The following TMEM132B variants were observed in gnomAD, a reference collection of about 807,000 sequenced individuals.
The protein encoded by TMEM132B is transmembrane protein 132B.
TMEM132B carries 18 observed loss-of-function variants against 90.8 expected under a neutral mutation model. That is an observed-to-expected ratio of 0.20 (90% CI 0.14 to 0.29). TMEM132B has a LOEUF of 0.29. Among genes scored for constraint, TMEM132B ranks in the 10% least tolerant of loss-of-function variants. The pLI, the probability that TMEM132B is intolerant of heterozygous loss-of-function variation, is 1.00. For synonymous variants in TMEM132B, 504 were observed against 523.3 expected, an observed-to-expected ratio of 0.96 and a Z score of 0.50; for missense variants, 1,096 against 1,326.8, an observed-to-expected ratio of 0.83 and a Z score of 2.70.
At chr12:125,263,120 G>A (rs1593060380) in intron 1 of TMEM132B, among the ~76,000 whole-genome samples, 4 of 152,146 alleles carry the variant, frequency 2.6e-5, no homozygotes, top group Admixed American at 1.3e-4. Flanking sequence ...CTATTATCCC[G>A]TGGTATTGGC....
chr12:125,574,603 A>G (rs1884888934), intron 4 of TMEM132B, among the ~76,000 whole-genome samples: 1 of 152,148 alleles, frequency 6.6e-6, no homozygotes, highest in South Asian at 2.1e-4. Flanking sequence ...AGAGGAAAGG[A>G]GAGACTGTCA....
At chr12:125,417,871 C>T (rs1880060551) in intron 3 of TMEM132B, among the ~76,000 whole-genome samples, 1 of 152,144 alleles carries the variant, frequency 6.6e-6, no homozygotes, top group Non-Finnish European at 1.5e-5. Flanking sequence ...GATTGTGCAC[C>T]CACCCTGAAC....
chr12:125,250,251 G>A (rs1454979157), intron 1 of TMEM132B, among the ~76,000 whole-genome samples: 3 of 152,236 alleles, frequency 2.0e-5, no homozygotes. Flanking sequence ...TCCCTGGTGA[G>A]CTCCTCGTGG....
At chr12:125,551,178 T>C (rs547811477) in intron 4 of TMEM132B, among the ~76,000 whole-genome samples, 4 of 152,372 alleles carry the variant, frequency 2.6e-5, no homozygotes, top group South Asian at 4.1e-4. Context: ...TCTGGTTTAA[T>C]TCATCATTAA....
chr12:125,397,433 T>C (rs1040764446), intron 2 of TMEM132B, among the ~76,000 whole-genome samples: 1 of 152,196 alleles, frequency 6.6e-6, no homozygotes, highest in African/African-American at 2.4e-5. Context: ...TCCAAATCCT[T>C]TTCATTTCAA....
At chr12:125,305,651 G>A (rs779410351) in intron 1 of TMEM132B, among the ~76,000 whole-genome samples, 9 of 152,102 alleles carry the variant, frequency 5.9e-5, no homozygotes, top group South Asian at 2.1e-4. Flanking sequence ...GGCCAATCTG[G>A]GACAGGTAAT....
At chr12:125,618,069 T>G (rs1886033656) in intron 5 of TMEM132B, among the ~76,000 whole-genome samples, 2 of 152,186 alleles carry the variant, frequency 1.3e-5, no homozygotes, top group Non-Finnish European at 2.9e-5. Flanking sequence ...CTCTTTGTTC[T>G]TATGACCTGC....
chr12:125,477,803 C>T (rs185102777), intron 3 of TMEM132B, among the ~76,000 whole-genome samples: 22 of 152,302 alleles, frequency 1.4e-4, no homozygotes, highest in African/African-American at 5.3e-4. Context: ...GGGTCCCTGA[C>T]CCCCGTGTAA....
intron 5 of TMEM132B, among the ~76,000 whole-genome samples, chr12:125,602,264 C>T (rs1359717778): frequency 1.3e-5 from 2 of 152,168 alleles, no homozygotes; most frequent in Non-Finnish European, 2.9e-5. Flanking sequence ...GCTTATCTAC[C>T]GTGATCAAGT....
chr12:125,215,071 G>C (rs1873403485), intron 1 of TMEM132B, among the ~76,000 whole-genome samples: 1 of 152,152 alleles, frequency 6.6e-6, no homozygotes, highest in Non-Finnish European at 1.5e-5. Context: ...CCTATTGCCA[G>C]CCTCTTGGTG....
chr12:125,352,085 T>C (rs1877604586), intron 2 of TMEM132B, among the ~76,000 whole-genome samples: 1 of 152,224 alleles, frequency 6.6e-6, no homozygotes. Context: ...TAAATACAAC[T>C]GTTCTAGAAC....
chr12:125,478,997 T>C (rs1379758232), intron 3 of TMEM132B, among the ~76,000 whole-genome samples: 3 of 152,216 alleles, frequency 2.0e-5, no homozygotes, highest in Non-Finnish European at 4.4e-5. Flanking sequence ...CAGAATTTCA[T>C]ATCCAGCCAA....
At chr12:125,388,567 G>A (rs574754136) in intron 2 of TMEM132B, among the ~76,000 whole-genome samples, 60 of 152,266 alleles carry the variant, frequency 3.9e-4, no homozygotes, top group Non-Finnish European at 7.2e-4. Flanking sequence ...GTCTGTCCAG[G>A]AAATACTCTA....
intron 1 of TMEM132B, among the ~76,000 whole-genome samples, chr12:125,299,112 C>T (rs1450668565): frequency 6.6e-6 from 1 of 152,220 alleles, no homozygotes; most frequent in Non-Finnish European, 1.5e-5. Flanking sequence ...GATCCTCCTG[C>T]ATAGCTGGGA....
intron 3 of TMEM132B, among the ~76,000 whole-genome samples, chr12:125,470,247 C>T (rs902769735): frequency 2.0e-5 from 3 of 152,104 alleles, no homozygotes; most frequent in Non-Finnish European, 4.4e-5. Flanking sequence ...AAGCTAAGGC[C>T]CACTCTTTCT....
intron 1 of TMEM132B, among the ~76,000 whole-genome samples, chr12:125,346,143 T>G (rs1212599077): frequency 6.6e-6 from 1 of 152,136 alleles, no homozygotes; most frequent in Non-Finnish European, 1.5e-5. Context: ...AGTGTAAACC[T>G]TACACTGCTA....
chr12:125,320,394 A>G (rs576212356), intron 1 of TMEM132B, among the ~76,000 whole-genome samples: 2 of 152,326 alleles, frequency 1.3e-5, no homozygotes, highest in Admixed American at 6.5e-5. Flanking sequence ...TTATTCTACC[A>G]TAACGGTGGC....
chr12:125,582,760 T>C (rs933021085), intron 4 of TMEM132B, among the ~76,000 whole-genome samples: 5 of 152,236 alleles, frequency 3.3e-5, no homozygotes, highest in African/African-American at 9.6e-5. Flanking sequence ...CTAAGCTTTG[T>C]ACATTGATTG....
intron 1 of TMEM132B, among the ~76,000 whole-genome samples, chr12:125,255,915 A>AT (rs1452435302): frequency 6.6e-6 from 1 of 152,208 alleles, no homozygotes; most frequent in African/African-American, 2.4e-5. Flanking sequence ...AACAATTAGT[A>AT]AATTCACCTG....
Sources: gnomAD v4.1 joint callset for allele counts (sites outside exome capture counted in the v4.1 genomes callset) on GRCh38, gnomAD v4.1.1 for gene constraint, MANE v1.5 for transcripts, NCBI Gene and HGNC (gene_info 2026-07-23, HGNC 2026-07-21) for gene names.